Variants in LDLRAD3 observed in about 807,000 individuals in gnomAD.
The protein encoded by LDLRAD3 is low-density lipoprotein receptor class A domain-containing protein 3.
In LDLRAD3, 20 loss-of-function variants were observed where a neutral mutation model predicts 29.4. That is an observed-to-expected ratio of 0.68 (90% CI 0.48 to 0.99). The LOEUF is 0.99. LDLRAD3 is among the 50% of genes least tolerant of loss of function. The pLI is 0.00. For missense variants in LDLRAD3, 420 were observed against 454.3 expected (o/e 0.92, Z 0.69); for synonymous variants, 157 against 192.7 (o/e 0.81, Z 1.53).
intron 2 of LDLRAD3, among the ~76,000 whole-genome samples, chr11:36,042,312 C>T (rs1852393139): frequency 6.6e-6 from 1 of 152,144 alleles, no homozygotes; most frequent in South Asian, 2.1e-4. Context: ...ACCAGGAATT[C>T]AGCTGTTTCT....
intron 1 of LDLRAD3, among the ~76,000 whole-genome samples, chr11:35,999,717 C>T (rs1263311075): frequency 3.3e-5 from 5 of 152,306 alleles, no homozygotes; most frequent in South Asian, 2.1e-4. Context: ...TGGAGCTCCA[C>T]GTGTGTCACT....
chr11:35,955,212 T>A (rs1181144387), intron 1 of LDLRAD3, among the ~76,000 whole-genome samples: 1 of 152,120 alleles, frequency 6.6e-6, no homozygotes, highest in East Asian at 1.9e-4. Context: ...ACCACTGCAC[T>A]CCAGCCTGGG....
intron 1 of LDLRAD3, among the ~76,000 whole-genome samples, chr11:36,035,048 A>G (rs1852285451): frequency 6.6e-6 from 1 of 152,188 alleles, no homozygotes; most frequent in South Asian, 2.1e-4. Context: ...TAAAGGTATA[A>G]TAAGCCCTAG....
rs2133934317 is a variant in LDLRAD3, at chr11:35,944,524, C to T, written c.46+380C>T. On this transcript the variant is annotated intron_variant, in intron 1 of 5. Coordinates refer to ENST00000315571, the MANE Select transcript of LDLRAD3 (RefSeq NM_174902.4). This position sits in a 1 kb window ranked among gnomAD's most constrained non-coding sequence, Gnocchi z 4.9. ...AAGGAGAGGAGAGGAGAGAACTCTT[C>T]CCTGGTCTCATCTTCCCAGACGCCT... 6.6e-6 allele frequency among the ~76,000 whole-genome samples: 1 copy of T among 152,172 alleles called. No individual in the cohort carries two copies. Among genetic ancestry groups the T allele is most frequent in the South Asian group, 2.1e-4 (1 of 4,830 alleles).
rs572791125 is a variant in LDLRAD3 at position 36,115,640 on chromosome 11, G to C, written c.454+17179G>C. 1.7e-3 allele frequency among the ~76,000 whole-genome samples: 262 copies of C among 152,162 alleles called. 6 individuals carry two copies. The South Asian group carries it at 0.029, about 17-fold the overall frequency. On this transcript the variant is annotated intron_variant, in intron 4 of 5. Coordinates refer to ENST00000315571, the MANE Select transcript of LDLRAD3 (RefSeq NM_174902.4). ...ACACAGCTATTCCTTATCACCCCAC[G>C]GTCACATCCGCAAAAGGACGCCCCA...
chr11:36,180,011 A>C (rs1854735015), intron 4 of LDLRAD3, among the ~76,000 whole-genome samples: 2 of 152,150 alleles, frequency 1.3e-5, no homozygotes, highest in South Asian at 4.1e-4. Context: ...ATAAATAATC[A>C]AAACAAACAA....
chr11:36,215,199 G>T (rs932958118), intron 4 of LDLRAD3, among the ~76,000 whole-genome samples: 17 of 152,182 alleles, frequency 1.1e-4, no homozygotes, highest in African/African-American at 3.9e-4. Context: ...GGAGGCCAAC[G>T]GGTCTGCAGC....
chr11:36,223,987 G>T (rs1168875920), intron 4 of LDLRAD3, among the ~76,000 whole-genome samples: 1 of 151,354 alleles, frequency 6.6e-6, no homozygotes, highest in African/African-American at 2.4e-5. Context: ...CGTTAATAAT[G>T]TGTATGAATG....
intron 4 of LDLRAD3, among the ~76,000 whole-genome samples, chr11:36,212,188 C>T (rs1461645648): frequency 6.6e-6 from 1 of 152,126 alleles, no homozygotes; most frequent in Non-Finnish European, 1.5e-5. Context: ...CGAAGCCACT[C>T]GATGCAGAGG....
At chr11:36,159,602 T>TAA (rs66512652) in intron 4 of LDLRAD3, among the ~76,000 whole-genome samples, 27,160 of 58,102 alleles carry the variant, frequency 0.47, 5,926 homozygotes, top group Non-Finnish European at 0.51. Context: ...TTACAGAAAC[T>TAA]AAAAAAAAAA....
chr11:35,979,081 C>T (rs1256789296), intron 1 of LDLRAD3, among the ~76,000 whole-genome samples: 15 of 152,146 alleles, frequency 9.9e-5, no homozygotes, highest in African/African-American at 3.4e-4. Context: ...TCTGAGGTGT[C>T]TGCCTAGAGT....
At chr11:36,043,617 G>A (rs1309037226) in intron 2 of LDLRAD3, among the ~76,000 whole-genome samples, 2 of 152,196 alleles carry the variant, frequency 1.3e-5, no homozygotes, top group South Asian at 2.1e-4. Context: ...TTTATAAGAC[G>A]ATAATATGAA....
chr11:36,090,749 A>G (rs538822951), intron 3 of LDLRAD3, among the ~76,000 whole-genome samples: 72 of 152,282 alleles, frequency 4.7e-4, no homozygotes, highest in African/African-American at 1.5e-3. Flanking sequence ...CTGCTTGCCC[A>G]GAGTGGCGGC....
chr11:36,192,174 A>G (rs532300183), intron 4 of LDLRAD3, among the ~76,000 whole-genome samples: 14 of 152,326 alleles, frequency 9.2e-5, no homozygotes, highest in Admixed American at 2.6e-4. Context: ...TGTTACTTTG[A>G]TAGAAATAAA....
chr11:36,020,090 C>G (rs1852076517), intron 1 of LDLRAD3, among the ~76,000 whole-genome samples: 2 of 152,022 alleles, frequency 1.3e-5, no homozygotes. Flanking sequence ...CCCCGGAGTT[C>G]TGGAGGCAAG....
chr11:36,132,351 G>A (rs1853939046), intron 4 of LDLRAD3, among the ~76,000 whole-genome samples: 1 of 152,214 alleles, frequency 6.6e-6, no homozygotes, highest in African/African-American at 2.4e-5. Flanking sequence ...GTGTGACTGT[G>A]TGTGTGTGTA....
chr11:35,990,540 C>T (rs988783119), intron 1 of LDLRAD3, among the ~76,000 whole-genome samples: 1 of 151,984 alleles, frequency 6.6e-6, no homozygotes. Context: ...GCCTCAGCTT[C>T]CTGAGTAGCT....
At chr11:36,050,995 G>T (rs1320581048) in intron 2 of LDLRAD3, among the ~76,000 whole-genome samples, 1 of 152,042 alleles carries the variant, frequency 6.6e-6, no homozygotes, top group Admixed American at 6.5e-5. Context: ...CATTAATGAG[G>T]GCTCCACCCT....
At chr11:36,040,738 T>C (rs931288776) in intron 2 of LDLRAD3, among the ~76,000 whole-genome samples, 3 of 152,306 alleles carry the variant, frequency 2.0e-5, no homozygotes, top group Non-Finnish European at 2.9e-5. Context: ...CTTTTCTGGC[T>C]CTTGACACCG....
Sources: gnomAD v4.1 joint callset for allele counts (sites outside exome capture counted in the v4.1 genomes callset) on GRCh38, gnomAD v4.1.1 for gene constraint, Gnocchi (gnomAD v3.1) non-coding constraint, MANE v1.5 for transcripts, NCBI Gene and HGNC (gene_info 2026-07-23, HGNC 2026-07-21) for gene names.